Variants in FGF14 observed in about 807,000 individuals in gnomAD.
FGF14 encodes the protein fibroblast growth factor homologous factor 4.
A neutral mutation model predicts 25.5 loss-of-function variants in FGF14; 5 were observed. The ratio of observed to expected loss-of-function variants is 0.20; its 90% CI spans 0.10 to 0.41. The LOEUF (loss-of-function observed/expected upper bound fraction) is 0.41. Among genes scored for constraint, FGF14 ranks in the 10% least tolerant of loss-of-function variants. The probability of loss-of-function intolerance (pLI) is 1.00; values close to 1 mark genes in which losing one functional copy is unlikely to be tolerated. For synonymous variants in FGF14, 138 were observed against 118.3 expected (o/e 1.17, Z -1.08); for missense variants, 222 against 320.1 (o/e 0.69, Z 2.34).
intron 1 of FGF14, among the ~76,000 whole-genome samples, chr13:102,324,170 A>C (rs1482425395): frequency 1.3e-5 from 2 of 152,108 alleles, no homozygotes; most frequent in Non-Finnish European, 2.9e-5. Context: ...GCCATATCCT[A>C]ACTCTAAGAT....
intron 3 of FGF14, among the ~76,000 whole-genome samples, chr13:101,847,093 C>T (rs2043502683): frequency 6.6e-6 from 1 of 151,990 alleles, no homozygotes; most frequent in African/African-American, 2.4e-5. Flanking sequence ...AACACTTCTA[C>T]CTAGCCAACT....
At chr13:102,246,235 T>G (rs1351011710) in intron 1 of FGF14, among the ~76,000 whole-genome samples, 2 of 152,058 alleles carry the variant, frequency 1.3e-5, no homozygotes, top group Non-Finnish European at 2.9e-5. Context: ...ATACTCAATA[T>G]GAGAATTGAT....
intron 1 of FGF14, among the ~76,000 whole-genome samples, chr13:102,334,585 TTA>T (rs2056734989): frequency 6.6e-6 from 1 of 152,182 alleles, no homozygotes; most frequent in Admixed American, 6.5e-5. Context: ...GCACCAAGAT[TTA>T]TGATCTATTA....
At chr13:102,160,755 A>T (rs2047586404) in intron 1 of FGF14, among the ~76,000 whole-genome samples, 2 of 152,144 alleles carry the variant, frequency 1.3e-5, no homozygotes, top group African/African-American at 4.8e-5. Context: ...TTCCAGAGAT[A>T]GTAGGGCTTG....
At chr13:102,364,688 C>A (rs186828746) in intron 1 of FGF14, among the ~76,000 whole-genome samples, 117 of 152,256 alleles carry the variant, frequency 7.7e-4, no homozygotes, top group Non-Finnish European at 9.1e-4. Context: ...AAAGTCTAAG[C>A]GAGTTTTCAA....
intron 1 of FGF14, among the ~76,000 whole-genome samples, chr13:102,152,492 T>G (rs888145344): frequency 6.6e-6 from 1 of 152,192 alleles, no homozygotes; most frequent in Non-Finnish European, 1.5e-5. Flanking sequence ...AGGATACAAG[T>G]CAGATTGGAT....
At chr13:102,264,317 T>C (rs1018055041) in intron 1 of FGF14, among the ~76,000 whole-genome samples, 2 of 152,168 alleles carry the variant, frequency 1.3e-5, no homozygotes, top group African/African-American at 4.8e-5. Context: ...AAAAAAAGTT[T>C]GCATTCTTTG....
At chr13:102,165,030 C>T (rs1348478382) in intron 1 of FGF14, among the ~76,000 whole-genome samples, 1 of 151,874 alleles carries the variant, frequency 6.6e-6, no homozygotes, top group African/African-American at 2.4e-5. Context: ...TGACCTAGAT[C>T]AAAATGGTGA....
At chr13:101,805,081 T>C (rs760305376) in intron 3 of FGF14, among the ~76,000 whole-genome samples, 1 of 152,188 alleles carries the variant, frequency 6.6e-6, no homozygotes, top group Non-Finnish European at 1.5e-5. Context: ...AGTTTAAAAC[T>C]TATGACTATA....
intron 3 of FGF14, among the ~76,000 whole-genome samples, chr13:101,847,635 C>T (rs1225799328): frequency 2.0e-5 from 3 of 152,074 alleles, no homozygotes; most frequent in Non-Finnish European, 4.4e-5. Flanking sequence ...TCATACCATA[C>T]TCTGTGAAAT....
intron 1 of FGF14, among the ~76,000 whole-genome samples, chr13:102,192,109 C>T (rs1022034805): frequency 1.1e-4 from 17 of 152,186 alleles, no homozygotes; most frequent in African/African-American, 3.9e-4. Flanking sequence ...GGCCATATGG[C>T]CTATTGAAAC....
intron 3 of FGF14, among the ~76,000 whole-genome samples, chr13:101,817,199 A>G (rs9518573): frequency 0.31 from 47,260 of 152,086 alleles, 7,781 homozygotes; most frequent in South Asian, 0.44. Context: ...GAGCATCAGA[A>G]TACTAGCAAA....
intron 1 of FGF14, among the ~76,000 whole-genome samples, chr13:102,118,508 CATCT>C (rs1296697136): frequency 6.6e-6 from 1 of 151,860 alleles, no homozygotes; most frequent in Non-Finnish European, 1.5e-5. Flanking sequence ...AATGGTGGTC[CATCT>C]ATGTTAGAAC....
intron 1 of FGF14, among the ~76,000 whole-genome samples, chr13:102,368,982 C>T (rs2057796005): frequency 6.6e-6 from 1 of 152,194 alleles, no homozygotes. Context: ...CACTGTTTCA[C>T]AGGACTTGCT....
chr13:102,083,259 T>C (rs1426308553), intron 1 of FGF14, among the ~76,000 whole-genome samples: 19 of 152,174 alleles, frequency 1.2e-4, no homozygotes, highest in Non-Finnish European at 1.5e-5. Flanking sequence ...AGCTTCATGG[T>C]CTCTCTGTTC....
At chr13:102,221,992 T>C (rs942586840) in intron 1 of FGF14, among the ~76,000 whole-genome samples, 2 of 152,166 alleles carry the variant, frequency 1.3e-5, no homozygotes, top group South Asian at 2.1e-4. Flanking sequence ...GAGTCAGAAA[T>C]TGTTTATCTT....
chr13:101,872,014 T>C (rs1383300974), intron 2 of FGF14, among the ~76,000 whole-genome samples: 1 of 151,972 alleles, frequency 6.6e-6, no homozygotes, highest in African/African-American at 2.4e-5. Flanking sequence ...TCTTAATTCA[T>C]CTGAAATTTT....
intron 1 of FGF14, among the ~76,000 whole-genome samples, chr13:102,139,361 C>T (rs1216501481): frequency 6.6e-6 from 1 of 151,816 alleles, no homozygotes; most frequent in East Asian, 1.9e-4. Context: ...AATCATGCTA[C>T]TGCACTCCAG....
At chr13:102,180,198 C>T (rs61965267) in intron 1 of FGF14, among the ~76,000 whole-genome samples, 1 of 152,122 alleles carries the variant, frequency 6.6e-6, no homozygotes, top group Non-Finnish European at 1.5e-5. Context: ...ATTGCTGATG[C>T]TATTCTGTTG....
Sources: allele counts gnomAD v4.1 joint callset (sites outside exome capture counted in the v4.1 genomes callset), GRCh38; gene constraint gnomAD v4.1.1; transcripts MANE v1.5; gene names NCBI Gene and HGNC (gene_info 2026-07-23, HGNC 2026-07-21).